The following CABIN1 variants were observed in gnomAD, a reference collection of about 807,000 sequenced individuals.
CABIN1 encodes the protein calcineurin binding protein 1.
CABIN1 carries 133 observed loss-of-function variants against 227.7 expected under a neutral mutation model. That is an observed-to-expected ratio of 0.58 (90% confidence interval 0.51 to 0.67). The LOEUF (loss-of-function observed/expected upper bound fraction) is 0.67. CABIN1 is among the 30% of genes least tolerant of loss of function. The pLI, the probability that CABIN1 is intolerant of heterozygous loss-of-function variation, is 0.00. For synonymous variants in CABIN1, 1,086 were observed against 1,155.1 expected, an observed-to-expected ratio of 0.94 and a Z score of 1.21; for missense variants, 2,408 against 2,852.5, an observed-to-expected ratio of 0.84 and a Z score of 3.55.
intron 24 of CABIN1, among the ~76,000 whole-genome samples, chr22:24,095,378 G>A (rs990660723): frequency 4.6e-5 from 7 of 152,264 alleles, no homozygotes; most frequent in Non-Finnish European, 8.8e-5. Context: ...TTGAGGAAAT[G>A]GAGGAAAGCA....
chr22:24,143,091 A>G (rs13058579), intron 29 of CABIN1, among the ~76,000 whole-genome samples: 1,597 of 152,264 alleles, frequency 0.01, 18 homozygotes, highest in Middle Eastern at 0.024. Flanking sequence ...AAGAGGTGCT[A>G]GGAAGTAAAG....
intron 27 of CABIN1, among the ~76,000 whole-genome samples, chr22:24,113,988 G>A (rs2042945048): frequency 6.6e-6 from 1 of 152,238 alleles, no homozygotes; most frequent in South Asian, 2.1e-4. Flanking sequence ...CAGGGATGCT[G>A]CCTGTTGTTG....
intron 29 of CABIN1, among the ~76,000 whole-genome samples, chr22:24,160,653 C>T (rs758155668): frequency 3.3e-5 from 5 of 152,248 alleles, no homozygotes; most frequent in South Asian, 2.1e-4. Flanking sequence ...GGAGTAAGCT[C>T]CCCTGAGACC....
intron 22 of CABIN1, 79 bp downstream of exon 22, chr22:24,085,230 C>A: frequency 6.7e-7 from 1 of 1,491,900 alleles, no homozygotes; most frequent in Non-Finnish European, 9.3e-7. Context: ...CTTCAGTGGG[C>A]CACTTTGGGG....
intron 31 of CABIN1, 87 bp from the exon 32 acceptor site, chr22:24,166,552 C>T (rs1236689500): frequency 4.5e-6 from 7 of 1,543,450 alleles, no homozygotes; most frequent in Non-Finnish European, 5.4e-6. Flanking sequence ...GTGGGAGAGG[C>T]CCAGGTTGGG....
intron 6 of CABIN1, among the ~76,000 whole-genome samples, chr22:24,045,591 G>A (rs1271691946): frequency 6.6e-6 from 1 of 150,980 alleles, no homozygotes; most frequent in Admixed American, 6.6e-5. Flanking sequence ...CTGGGTGACA[G>A]AGCGAGACTC....
chr22:24,151,550 CA>C (rs2045484157), intron 29 of CABIN1, among the ~76,000 whole-genome samples: 1 of 152,082 alleles, frequency 6.6e-6, no homozygotes, highest in South Asian at 2.1e-4. Flanking sequence ...AGCAGTCTTC[CA>C]AAGAGTGGGC....
At chr22:24,030,206 G>A (rs71318942) in intron 1 of CABIN1, among the ~76,000 whole-genome samples, 2,887 of 152,232 alleles carry the variant, frequency 0.019, 35 homozygotes, top group South Asian at 0.036. Flanking sequence ...CATCAGTTGT[G>A]GCTCTTAGCT....
intron 24 of CABIN1, among the ~76,000 whole-genome samples, chr22:24,092,922 G>A (rs1482842381): frequency 6.6e-6 from 1 of 152,102 alleles, no homozygotes. Context: ...AAATTTAATG[G>A]AAGGTGTGGT....
At chr22:24,023,482 C>T (rs983010930) in intron 1 of CABIN1, among the ~76,000 whole-genome samples, 2 of 152,160 alleles carry the variant, frequency 1.3e-5, no homozygotes, top group Admixed American at 6.5e-5. Flanking sequence ...GGGGCTGGAC[C>T]ATTTTACATT....
chr22:24,131,154 C>T (rs1306906886), intron 28 of CABIN1, among the ~76,000 whole-genome samples: 5 of 152,210 alleles, frequency 3.3e-5, no homozygotes, highest in Non-Finnish European at 7.3e-5. Context: ...AAGTCTTTGT[C>T]GAGGCTTTAC....
intron 25 of CABIN1, 86 bp from the exon 26 acceptor site, chr22:24,097,928 G>C: frequency 1.3e-6 from 2 of 1,555,240 alleles, no homozygotes; most frequent in Non-Finnish European, 1.8e-6. Context: ...GTGGGCCCTG[G>C]GAAGGGCATT....
intron 26 of CABIN1, among the ~76,000 whole-genome samples, chr22:24,112,736 T>G (rs2042877465): frequency 6.6e-6 from 1 of 152,140 alleles, no homozygotes; most frequent in Non-Finnish European, 1.5e-5. Flanking sequence ...CCTAGATGAT[T>G]TCCTGCCCCT....
intron 27 of CABIN1, among the ~76,000 whole-genome samples, chr22:24,115,962 A>G (rs1374446155): frequency 1.3e-5 from 2 of 152,226 alleles, no homozygotes; most frequent in Non-Finnish European, 2.9e-5. Flanking sequence ...GGGAAAGCAG[A>G]AACAGATCTG....
At chr22:24,168,210 C>A (rs2046567841) in intron 32 of CABIN1, among the ~76,000 whole-genome samples, 1 of 152,258 alleles carries the variant, frequency 6.6e-6, no homozygotes, top group Non-Finnish European at 1.5e-5. Context: ...GCACCCCCAC[C>A]TGGGAGATGG....
intron 29 of CABIN1, among the ~76,000 whole-genome samples, chr22:24,150,132 G>T (rs1404247015): frequency 6.6e-6 from 1 of 152,246 alleles, no homozygotes; most frequent in Non-Finnish European, 1.5e-5. Context: ...GGAAACAGTG[G>T]TAAGAGGGAG....
In CABIN1 at chr22:24,167,178, C is replaced by CCTG. The variant is rs1206871292; in HGVS notation, c.5548_5550dup (p.Leu1850dup). 2 of 1,610,730 alleles carry CCTG rather than the reference C, an allele frequency of 1.2e-6. No individual in the cohort carries two copies. Among genetic ancestry groups the CCTG allele is most frequent in the Admixed American group, 3.4e-5 (2 of 59,626 alleles). Reference sequence around the variant, plus strand: ...CCCGGCTCAGCCGCAAGAGGAAGCTCCTGGAGGACACAGAGTCAGGCAAGA... The same window carrying CCTG: ...CCCGGCTCAGCCGCAAGAGGAAGCTCCTGCTGGAGGACACAGAGTCAGGCAAGA... On this transcript the variant is annotated inframe_insertion, in exon 32 of 37. Coordinates refer to ENST00000263119, the MANE Select transcript of CABIN1 (RefSeq NM_012295.4).
Position 24,171,820 on chromosome 22 carries a change from T to C in CABIN1, c.5865T>C (p.Ser1955=). 6.2e-7 allele frequency: 1 copy of C among 1,614,156 alleles called. No individual in the cohort carries two copies. The change falls in exon 34 of 37, where the codon TCT becomes TCC. Residue 1955 remains serine (S), a synonymous_variant. Transcript: ENST00000263119. ...CCCCTGACCCTGTGCCAGCTGACTC[T>C]GTCCAGCGGCCCAGTGATGCTCACA... ...PTAPDPVPAD[S]VQRPSDAHTK...
chr22:24,128,301 C>T lies in CABIN1; in HGVS notation c.4633-6001C>T, dbSNP rs1193024498. On this transcript the variant is annotated intron_variant, in intron 28 of 36. Coordinates refer to ENST00000263119, the MANE Select transcript of CABIN1 (RefSeq NM_012295.4). ...TAATGCCTACACAGGATTCTCGGGG[C>T]GGGGGGAGGGTGGGCACAGCTTTTA... 1.1e-4 allele frequency among the ~76,000 whole-genome samples: 9 copies of T among 81,402 alleles called. No individual in the cohort carries two copies. In the South Asian group the frequency reaches 2.2e-3, roughly 20 times the overall value. The allele number at this position is 81,402 out of a possible 152,430, so 53.4% of individuals were successfully genotyped here.
Sources: gnomAD v4.1 joint callset for allele counts (sites outside exome capture counted in the v4.1 genomes callset) on GRCh38, gnomAD v4.1.1 for gene constraint, MANE v1.5 for transcripts, NCBI Gene and HGNC (gene_info 2026-07-23, HGNC 2026-07-21) for gene names.